The following COPS5 variants were observed in gnomAD, a reference collection of about 807,000 sequenced individuals.
The protein encoded by COPS5 is COP9 signalosome complex subunit 5.
Under a neutral mutation model 44.4 loss-of-function variants are expected in COPS5, and 8 were observed. The ratio of observed to expected loss-of-function variants is 0.18; its 90% CI spans 0.11 to 0.32. COPS5 has a LOEUF of 0.32. Among genes scored for constraint, COPS5 ranks in the 10% least tolerant of loss-of-function variants. COPS5 has a pLI of 1.00. For synonymous variants in COPS5, 122 were observed against 142.8 expected (o/e 0.85, Z 1.04); for missense variants, 159 against 406.4 (o/e 0.39, Z 5.23).
intron 6 of COPS5, among the ~76,000 whole-genome samples, chr8:67,046,758 G>C (rs1271423272): frequency 6.7e-6 from 1 of 149,262 alleles, no homozygotes; most frequent in Non-Finnish European, 1.5e-5. Context: ...AGGAGGCGGA[G>C]GTTGCAGTGA....
rs150302625 is a variant in COPS5, at chr8:67,047,184, G to A, written c.772-1224C>T. ...ACTAGTTGGCAAAAAGTAGTATGTC[G>A]TTCTATTTGCTCAGTTTGCAAGGAA... On this transcript the variant is annotated intron_variant, in intron 6 of 7. Coordinates refer to ENST00000357849, the MANE Select transcript of COPS5 (RefSeq NM_006837.3). Among the ~76,000 whole-genome samples, 198 of 152,238 alleles carry A rather than the reference G, an allele frequency of 1.3e-3. 1 individual carries two copies. Among genetic ancestry groups the A allele is most frequent in the African/African-American group, 4.4e-3 (181 of 41,560 alleles).
At chr8:67,059,574 A>G (rs1804556606) in intron 1 of COPS5, 129 bp from the exon 2 acceptor site, 1 of 678,310 alleles carries the variant, frequency 1.5e-6, no homozygotes, top group Non-Finnish European at 2.5e-6. Flanking sequence ...GACTACGGGG[A>G]GAAAAAGTAA....
intron 6 of COPS5, among the ~76,000 whole-genome samples, chr8:67,047,180 T>G (rs1268130729): frequency 6.6e-6 from 1 of 152,224 alleles, no homozygotes; most frequent in East Asian, 1.9e-4. Context: ...AAAAGTAGTA[T>G]GTCGTTCTAT....
chr8:67,054,002 T>C (rs1318691080), intron 5 of COPS5, among the ~76,000 whole-genome samples: 15 of 145,808 alleles, frequency 1.0e-4, no homozygotes, highest in African/African-American at 3.3e-4. Flanking sequence ...CAAGACTCCA[T>C]TTAAAAAAAA....
chr8:67,059,642 C>T (rs927290878), intron 1 of COPS5, 197 bp from the exon 2 acceptor site: 1 of 572,104 alleles, frequency 1.7e-6, no homozygotes, highest in Admixed American at 3.0e-5. Context: ...AGCAACGTAT[C>T]CCCCTTAGGG....
intron 7 of COPS5, 186 bp from the exon 8 acceptor site, chr8:67,043,503 A>C (rs1468479779): frequency 1.1e-5 from 5 of 453,222 alleles, no homozygotes; most frequent in Non-Finnish European, 1.9e-5. Context: ...TGACCATTTC[A>C]TTACTTACTA....
intron 6 of COPS5, among the ~76,000 whole-genome samples, chr8:67,049,895 A>T (rs1415470977): frequency 2.0e-5 from 3 of 152,220 alleles, no homozygotes; most frequent in Non-Finnish European, 2.9e-5. Context: ...TTAGAAAAAT[A>T]AAAAAATTGT....
chr8:67,055,813 C>T (rs1220941164), intron 5 of COPS5, among the ~76,000 whole-genome samples: 1 of 143,954 alleles, frequency 6.9e-6, no homozygotes. Flanking sequence ...TTGCAGTGAG[C>T]CAAGATCACG....
intron 4 of COPS5, 63 bp from the exon 5 acceptor site, chr8:67,056,667 A>G (rs1804515748): frequency 5.6e-5 from 1 of 17,820 alleles, no homozygotes; most frequent in Non-Finnish European, 1.2e-4. Context: ...ATATATATAT[A>G]TATATATATA....
At chr8:67,061,360 C>T (rs1307252849) in intron 1 of COPS5, 3 of 449,542 alleles carry the variant, frequency 6.7e-6, no homozygotes, top group Non-Finnish European at 1.3e-5. Context: ...AAGGCGAAGG[C>T]GGGAGGATCG....
At position 67,058,675 on chromosome 8, in the gene COPS5, T is replaced by A. The variant is rs184415878; in HGVS notation, c.379-464A>T. ...TTTTTTATTTTAAACACGTATCTGA[T>A]AATAAGTGTGAGAGTTTATTTAAAA... On this transcript the variant is annotated intron_variant, in intron 2 of 7. Coordinates refer to ENST00000357849, the MANE Select transcript of COPS5 (RefSeq NM_006837.3). Among the ~76,000 whole-genome samples the A allele has an allele frequency of 1.3e-3, 199 of 152,102 alleles. 1 individual carries two copies. Among genetic ancestry groups the A allele is most frequent in the Admixed American group, 2.0e-3 (30 of 15,274 alleles).
chr8:67,043,253 T>G lies in COPS5; in HGVS notation c.985A>C (p.Asn329His). The change falls in exon 8 of 8, where the codon AAT (asparagine) becomes CAT (histidine). Residue 329 changes from asparagine (N) to histidine (H), a missense_variant. By Grantham distance (68) the Asn-to-His change is moderately conservative (BLOSUM62 1). Transcript: ENST00000357849. ...ACTGTTTAAGAGATGTTAATTTGAT[T>G]AAACAGTTTATCCTTAATAACCTGA... is the stretch of plus-strand genomic sequence containing the variant. ...MSQVIKDKLF[N>H]QINIS 1 of 1,581,740 alleles carries G rather than the reference T, an allele frequency of 6.3e-7. No homozygotes were observed. Among genetic ancestry groups the G allele is most frequent in the South Asian group, 1.1e-5 (1 of 89,342 alleles).
chr8:67,059,625 A>C, intron 1 of COPS5, 180 bp from the exon 2 acceptor site: 1 of 594,246 alleles, frequency 1.7e-6, no homozygotes, highest in Admixed American at 2.9e-5. Context: ...TAAGTATGTC[A>C]TAGTGCAGCA....
In COPS5 at chr8:67,061,955, T is replaced by C. The variant is rs768345176; in HGVS notation, c.42A>G (p.Glu14=). The C allele has an allele frequency of 1.9e-6, 3 of 1,614,214 alleles. No homozygotes were observed. In the South Asian group the frequency reaches 3.3e-5, roughly 18 times the overall value. Residue 14 remains glutamate, a synonymous_variant, in exon 1 of 8, where the codon GAA becomes GAG. Coordinates refer to ENST00000357849, the MANE Select transcript of COPS5 (RefSeq NM_006837.3). ...GAGCTTCCTGCATGTTGTTGGCCAG[T>C]TCCCAGGTTTTCTGGGCCATACCGC... ...SGSGMAQKTW[E]LANNMQEAQS... is the part of the protein sequence containing the mutation.
rs539349512 is a variant in COPS5 at position 67,057,416 on chromosome 8, C to G, written c.537G>C (p.Gly179=). Reference sequence around the variant, plus strand: ...TCCTAAAGGCGCCAAGATTCACTTTCCCTGCGGATATTGTTCTTGTTGGAT... The same window carrying G: ...TCCTAAAGGCGCCAAGATTCACTTTGCCTGCGGATATTGTTCTTGTTGGAT... ...VIDPTRTISA[G]KVNLGAFRTY... Residue 179 remains glycine, a synonymous_variant, in exon 4 of 8, where the codon GGG becomes GGC. Coordinates refer to ENST00000357849, the MANE Select transcript of COPS5 (RefSeq NM_006837.3). 1 of 1,610,964 alleles carries G rather than the reference C, an allele frequency of 6.2e-7. No individual in the cohort carries two copies. Among genetic ancestry groups the G allele is most frequent in the Non-Finnish European group, 8.5e-7 (1 of 1,178,702 alleles).
intron 5 of COPS5, among the ~76,000 whole-genome samples, chr8:67,055,050 T>C (rs1804482978): frequency 6.6e-6 from 1 of 152,202 alleles, no homozygotes; most frequent in South Asian, 2.1e-4. Context: ...AGATACTCAA[T>C]GCTTAAAGCA....
intron 1 of COPS5, chr8:67,059,750 C>T (rs140273872): frequency 2.3e-4 from 71 of 303,488 alleles, no homozygotes; most frequent in African/African-American, 1.4e-3. Context: ...TTGGAATCAC[C>T]CAATCTTGGA....
chr8:67,057,492 CT>C (rs773770131), intron 3 of COPS5, 47 bp from the exon 4 acceptor site: 8 of 1,300,988 alleles, frequency 6.1e-6, no homozygotes, highest in Admixed American at 1.8e-5. Context: ...AACTGTATGC[CT>C]TTTATTTAAA....
At chr8:67,056,910 T>C (rs1436400119) in intron 4 of COPS5, among the ~76,000 whole-genome samples, 2 of 151,814 alleles carry the variant, frequency 1.3e-5, no homozygotes, top group Non-Finnish European at 2.9e-5. Context: ...TTTGTTCTAA[T>C]AACTATTTCA....
Sources: gnomAD v4.1 joint callset for allele counts (sites outside exome capture counted in the v4.1 genomes callset) on GRCh38, gnomAD v4.1.1 for gene constraint, MANE v1.5 for transcripts, NCBI Gene and HGNC (gene_info 2026-07-23, HGNC 2026-07-21) for gene names.